The following BCO2 variants were observed in gnomAD, a reference collection of about 807,000 sequenced individuals.
BCO2 encodes carotenoid-cleaving dioxygenase, mitochondrial.
A neutral mutation model predicts 65.8 loss-of-function variants in BCO2; 56 were observed. The observed-to-expected ratio is 0.85, with a 90% CI of 0.69 to 1.06. The LOEUF is 1.06. BCO2 is among the 50% of genes least tolerant of loss of function. BCO2 has a pLI of 0.00. For synonymous variants in BCO2, 233 were observed against 242.3 expected, an observed-to-expected ratio of 0.96 and a Z score of 0.36; for missense variants, 675 against 698.5, an observed-to-expected ratio of 0.97 and a Z score of 0.38.
In BCO2 at chr11:112,175,967, A is replaced by C. The variant is rs990627759; in HGVS notation, c.88+278A>C. 19 of 322,988 alleles carry C rather than the reference A, an allele frequency of 5.9e-5. No homozygotes were observed. In the East Asian group the frequency reaches 9.5e-4, roughly 16 times the overall value. The allele number at this position is 322,988 out of a possible 1,614,324, so 20.0% of individuals were successfully genotyped here. On this transcript the variant is annotated intron_variant, in intron 1 of 11. Coordinates refer to ENST00000357685, the MANE Select transcript of BCO2 (RefSeq NM_031938.7). ...GGTATTCTTTGGGATTTGCAATAAG[A>C]AGAATATTCAATATTTAGGCTTTTC...
chr11:112,193,770 T>C, intron 3 of BCO2, 73 bp downstream of exon 3: 1 of 1,549,442 alleles, frequency 6.5e-7, no homozygotes. Context: ...AAAATAGATT[T>C]TTTTGTGTAT....
chr11:112,215,114 A>G (rs1859631834), intron 10 of BCO2, 170 bp downstream of exon 10: 1 of 646,302 alleles, frequency 1.5e-6, no homozygotes, highest in East Asian at 2.7e-5. Flanking sequence ...TGTTCCTTCT[A>G]GGGAATCCAA....
intron 2 of BCO2, among the ~76,000 whole-genome samples, chr11:112,184,791 T>C (rs900950803): frequency 1.3e-5 from 2 of 152,120 alleles, no homozygotes; most frequent in Non-Finnish European, 2.9e-5. Flanking sequence ...CCTGGTGTCC[T>C]TATTTCTACC....
chr11:112,214,897 G>A lies in BCO2; in HGVS notation c.1468G>A (p.Val490Met), dbSNP rs1859617851. Residue 490 changes from valine (V) to methionine (M), a missense_variant, in exon 10 of 12, where the codon GTG becomes ATG. Coordinates refer to ENST00000357685, the MANE Select transcript of BCO2 (RefSeq NM_031938.7). ...TTATGGCTGTGGCTTTCGGCATTTA[G>A]TGGGGGATTCTCTGATCAAGGTTGA... is the stretch of plus-strand genomic sequence containing the variant. ...FFYGCGFRHL[V>M]GDSLIKVDVV... 22 of 1,614,080 alleles carry A rather than the reference G, an allele frequency of 1.4e-5. No homozygotes were observed. Among genetic ancestry groups the A allele is most frequent in the Non-Finnish European group, 1.8e-5 (21 of 1,180,046 alleles).
rs551598049 is a variant in BCO2, at chr11:112,196,924, TC to T, written c.736+2172del. ...CTTTCCTTCCTTTCCTTCCTTCCCT[TC>T]CCTTCCCTTCCCTTCCCTTCCCTTC... is the stretch of plus-strand genomic sequence containing the variant. On this transcript the variant is annotated intron_variant, in intron 5 of 11. Coordinates refer to ENST00000357685, the MANE Select transcript of BCO2 (RefSeq NM_031938.7). 9.7e-5 allele frequency among the ~76,000 whole-genome samples: 11 copies of T among 113,758 alleles called. No individual in the cohort carries two copies. In the East Asian group the frequency reaches 4.1e-3, roughly 42 times the overall value. 74.6% of individuals were successfully genotyped at this position (113,758 alleles called of 152,430 possible). A position where few individuals can be genotyped will look rare whatever the true frequency, so the allele number is the denominator to read the frequency against.
At chr11:112,175,883 G>A in intron 1 of BCO2, 194 bp downstream of exon 1, 4 of 505,888 alleles carry the variant, frequency 7.9e-6, no homozygotes, top group Non-Finnish European at 1.1e-5. Context: ...TCATGGTCAG[G>A]GAAACAGCCT....
At chr11:112,180,470 T>G (rs959593605) in intron 2 of BCO2, among the ~76,000 whole-genome samples, 2 of 152,232 alleles carry the variant, frequency 1.3e-5, no homozygotes, top group African/African-American at 4.8e-5. Flanking sequence ...TTTTTCTAGT[T>G]CATCCTGTAT....
chr11:112,206,164 G>T (rs1216567959), intron 8 of BCO2, among the ~76,000 whole-genome samples: 1 of 147,570 alleles, frequency 6.8e-6, no homozygotes, highest in Non-Finnish European at 1.5e-5. Flanking sequence ...GACAGGGCGG[G>T]GGCCGGGCAG....
At chr11:112,175,765 C>T (rs769690902) in intron 1 of BCO2, 76 bp downstream of exon 1, 6 of 1,285,924 alleles carry the variant, frequency 4.7e-6, no homozygotes, top group Non-Finnish European at 6.8e-6. Flanking sequence ...TGCCTCTTTC[C>T]TGAAGGTTGC....
chr11:112,206,601 A>G (rs1026556517), intron 8 of BCO2, among the ~76,000 whole-genome samples: 8 of 152,212 alleles, frequency 5.3e-5, no homozygotes, highest in Non-Finnish European at 1.0e-4. Flanking sequence ...TCTACAAAAA[A>G]ATTTAAAAAT....
At chr11:112,186,166 T>C (rs1439917402) in intron 2 of BCO2, among the ~76,000 whole-genome samples, 1 of 152,164 alleles carries the variant, frequency 6.6e-6, no homozygotes, top group Admixed American at 6.5e-5. Flanking sequence ...TCCCAGAGAA[T>C]AAACAGCCTC....
At chr11:112,184,072 G>A (rs1867132744) in intron 2 of BCO2, among the ~76,000 whole-genome samples, 1 of 152,062 alleles carries the variant, frequency 6.6e-6, no homozygotes, top group Non-Finnish European at 1.5e-5. Flanking sequence ...AAAAAACCAA[G>A]GTGCATCATT....
At chr11:112,188,945 A>G (rs1229282850) in intron 2 of BCO2, among the ~76,000 whole-genome samples, 1 of 152,212 alleles carries the variant, frequency 6.6e-6, no homozygotes, top group Non-Finnish European at 1.5e-5. Flanking sequence ...GGTGAAATAT[A>G]TTAAGTAGCA....
intron 2 of BCO2, among the ~76,000 whole-genome samples, chr11:112,185,429 T>A (rs1867171230): frequency 6.6e-6 from 1 of 152,242 alleles, no homozygotes; most frequent in African/African-American, 2.4e-5. Flanking sequence ...GGAATCTGCT[T>A]TGTTTTAAAC....
chr11:112,204,470 A>G (rs1485849265), intron 8 of BCO2, among the ~76,000 whole-genome samples: 1 of 152,170 alleles, frequency 6.6e-6, no homozygotes, highest in Admixed American at 6.5e-5. Context: ...GACCCTGAAC[A>G]ACATGGATTC....
At chr11:112,187,606 T>G (rs2135358988) in intron 2 of BCO2, among the ~76,000 whole-genome samples, 1 of 151,902 alleles carries the variant, frequency 6.6e-6, no homozygotes. Flanking sequence ...AAGGAATGAC[T>G]TGAGGGACAG....
chr11:112,211,803 A>G (rs750233093), intron 8 of BCO2, among the ~76,000 whole-genome samples: 36 of 152,242 alleles, frequency 2.4e-4, no homozygotes, highest in Middle Eastern at 3.4e-3. Context: ...TTCATCCCAA[A>G]CCTGGCCCCT....
intron 2 of BCO2, among the ~76,000 whole-genome samples, chr11:112,189,800 C>T (rs1278443006): frequency 6.6e-6 from 1 of 152,128 alleles, no homozygotes. Context: ...CAGATTATTT[C>T]ACAGATGAAT....
rs7926388 is a variant in BCO2, at chr11:112,214,618, G to T, written c.1333-144G>T. The T allele has an allele frequency of 1.4e-3, 896 of 625,520 alleles. 13 individuals are homozygous for T. The African/African-American group carries it at 0.015, about 10-fold the overall frequency. 38.7% of individuals were successfully genotyped at this position (625,520 alleles called of 1,614,324 possible). A position where few individuals can be genotyped will look rare whatever the true frequency, so the allele number is the denominator to read the frequency against. ...TGCATCCACACATATGATGGAAAGAGGAACAATATTAAAACATGACATAGA... is the reference window on the plus strand; with the variant it reads ...TGCATCCACACATATGATGGAAAGATGAACAATATTAAAACATGACATAGA... On this transcript the variant is annotated intron_variant, in intron 9 of 11. Transcript: ENST00000357685.
Sources: gnomAD v4.1 joint callset for allele counts (sites outside exome capture counted in the v4.1 genomes callset) on GRCh38, gnomAD v4.1.1 for gene constraint, MANE v1.5 for transcripts, NCBI Gene and HGNC (gene_info 2026-07-23, HGNC 2026-07-21) for gene names.